HSD17B14: variants seen among roughly 807,000 people sequenced by gnomAD.
The protein encoded by HSD17B14 is hydroxysteroid 17-beta dehydrogenase 14, also known as L-fucose dehydrogenase.
A neutral mutation model predicts 32.2 loss-of-function variants in HSD17B14; 32 were observed. The observed-to-expected ratio is 0.99, with a 90% CI of 0.75 to 1.33. HSD17B14 has a LOEUF of 1.33. HSD17B14 is among the 40% of genes most tolerant of loss of function. The pLI is 0.00. For missense variants in HSD17B14, 370 were observed against 366.5 expected, an observed-to-expected ratio of 1.01 and a Z score of -0.08; for synonymous variants, 140 against 155.4, an observed-to-expected ratio of 0.90 and a Z score of 0.74.
chr19:48,824,276 AAAT>A (rs1049364604), intron 5 of HSD17B14, among the ~76,000 whole-genome samples: 3 of 53,448 alleles, frequency 5.6e-5, no homozygotes, highest in African/African-American at 1.0e-4. Flanking sequence ...AAAAAAAAAA[AAAT>A]TAGTCGGGTG....
intron 5 of HSD17B14, among the ~76,000 whole-genome samples, chr19:48,822,225 A>C (rs2035166616): frequency 7.9e-6 from 1 of 127,118 alleles, no homozygotes; most frequent in South Asian, 2.7e-4. Flanking sequence ...TGGGGATGGT[A>C]ATGATGGTGG....
At chr19:48,827,385 G>C (rs553941359) in intron 5 of HSD17B14, among the ~76,000 whole-genome samples, 1 of 151,982 alleles carries the variant, frequency 6.6e-6, no homozygotes, top group Non-Finnish European at 1.5e-5. Context: ...AGCTGTATGC[G>C]CAGGGCTCCG....
chr19:48,816,232 C>G (rs895037463), intron 5 of HSD17B14, among the ~76,000 whole-genome samples: 11 of 152,044 alleles, frequency 7.2e-5, no homozygotes, highest in Admixed American at 1.3e-4. Context: ...AGGCCTGTCC[C>G]TGCCACTTAA....
chr19:48,814,569 C>T (rs1021149066), intron 6 of HSD17B14, among the ~76,000 whole-genome samples: 1 of 151,636 alleles, frequency 6.6e-6, no homozygotes, highest in Non-Finnish European at 1.5e-5. Context: ...CTGCTGGGTG[C>T]GGTGGCTCAT....
chr19:48,813,568 G>A lies in HSD17B14; in HGVS notation c.543-16C>T, dbSNP rs1309883790. The A allele has an allele frequency of 4.3e-6, 7 of 1,613,220 alleles. No homozygotes were observed. The highest frequency in any genetic ancestry group is 5.9e-6 in the Non-Finnish European group (7 of 1,179,366). ...TGGGGAGATACTAGAGGAAGGGAGA[G>A]GGGGGATCAAAGCAATCTGTCTCGA... is the stretch of plus-strand genomic sequence containing the variant. On this transcript the variant is annotated splice_polypyrimidine_tract_variant and intron_variant, in intron 7 of 8. Transcript: ENST00000263278.
intron 5 of HSD17B14, among the ~76,000 whole-genome samples, chr19:48,831,301 G>C (rs778275166): frequency 2.0e-5 from 3 of 152,176 alleles, no homozygotes; most frequent in Non-Finnish European, 2.9e-5. Context: ...ACAGAAAATA[G>C]ATGGCCAGGC....
At chr19:48,828,275 T>G (rs662102) in intron 5 of HSD17B14, among the ~76,000 whole-genome samples, 103,098 of 151,998 alleles carry the variant, frequency 0.68, 36,361 homozygotes, top group African/African-American at 0.89. Context: ...GCTATACATG[T>G]TTGAACTATA....
At chr19:48,825,971 C>T (rs892429385) in intron 5 of HSD17B14, among the ~76,000 whole-genome samples, 1 of 152,036 alleles carries the variant, frequency 6.6e-6, no homozygotes. Context: ...CAGGCACCCG[C>T]CACCGCGCAC....
chr19:48,821,742 T>C (rs1305475545), intron 5 of HSD17B14, among the ~76,000 whole-genome samples: 1 of 146,834 alleles, frequency 6.8e-6, no homozygotes, highest in Non-Finnish European at 1.5e-5. Context: ...AGGATGGTGA[T>C]GGTGAGGATG....
At chr19:48,816,074 C>T (rs1411785099) in intron 5 of HSD17B14, among the ~76,000 whole-genome samples, 1 of 151,488 alleles carries the variant, frequency 6.6e-6, no homozygotes, top group Non-Finnish European at 1.5e-5. Context: ...ACCGTTTCTC[C>T]TGCAATTCAA....
chr19:48,814,144 G>T (rs112203175), intron 6 of HSD17B14, among the ~76,000 whole-genome samples: 2,989 of 150,980 alleles, frequency 0.02, 90 homozygotes, highest in African/African-American at 0.069. Flanking sequence ...GCAGTGAGCT[G>T]AGATCATGCC....
chr19:48,816,121 C>G (rs547137671), intron 5 of HSD17B14, among the ~76,000 whole-genome samples: 31 of 151,902 alleles, frequency 2.0e-4, no homozygotes, highest in Non-Finnish European at 3.7e-4. Context: ...AATACTCTCT[C>G]TGTGTGTGTG....
At position 48,835,912 on chromosome 19, in the gene HSD17B14, A is replaced by G. The variant is rs2035502200; in HGVS notation, c.89-69T>C. On this transcript the variant is annotated intron_variant, in intron 1 of 8. Transcript: ENST00000263278. ...AAGCCTCTGCCGCCCTCTTGTGGCCACCTGGATTGGGGCTGATCTCCCTCT... is the reference window on the plus strand; with the variant it reads ...AAGCCTCTGCCGCCCTCTTGTGGCCGCCTGGATTGGGGCTGATCTCCCTCT... 2.7e-6 allele frequency: 4 copies of G among 1,457,328 alleles called. No individual in the cohort carries two copies. The East Asian group carries it at 6.8e-5, about 25-fold the overall frequency. 90.3% of individuals were successfully genotyped at this position (1,457,328 alleles called of 1,614,324 possible).
chr19:48,818,966 G>A (rs2035101623), intron 5 of HSD17B14, among the ~76,000 whole-genome samples: 1 of 152,094 alleles, frequency 6.6e-6, no homozygotes, highest in Non-Finnish European at 1.5e-5. Context: ...CTTCTCCCTT[G>A]GACAAATGCA....
chr19:48,824,446 AAGGG>A (rs145997541), intron 5 of HSD17B14, among the ~76,000 whole-genome samples: 45,907 of 148,854 alleles, frequency 0.31, 7,166 homozygotes, highest in East Asian at 0.37. Flanking sequence ...GGAAAGAAAA[AAGGG>A]AGGGAGGGAG....
At chr19:48,821,013 ATTT>A (rs550582834) in intron 5 of HSD17B14, among the ~76,000 whole-genome samples, 86 of 123,806 alleles carry the variant, frequency 6.9e-4, no homozygotes, top group Admixed American at 1.2e-3. Flanking sequence ...GGATGGATAG[ATTT>A]TTTTTTTTTT....
intron 5 of HSD17B14, among the ~76,000 whole-genome samples, chr19:48,820,557 T>C (rs1034769680): frequency 1.4e-5 from 2 of 143,118 alleles, no homozygotes; most frequent in Non-Finnish European, 3.0e-5. Context: ...TGAGATGGAG[T>C]CTCGCTCTGT....
Position 48,813,497 on chromosome 19 carries a change from G to T in HSD17B14, c.598C>A (p.Pro200Thr). The change falls in exon 8 of 9, where the codon CCA becomes ACA. Residue 200 changes from proline (P) to threonine (T), a missense_variant. Pro to Thr is a conservative substitution (Grantham distance 38, BLOSUM62 -1). Coordinates refer to ENST00000263278, the MANE Select transcript of HSD17B14 (RefSeq NM_016246.3). Reference sequence around the variant, plus strand: ...TCTCGGATTGTGGCCCTAGGGTCTGGCATTAAGGCTGCCAGCTCCTCCCAC... The same window carrying T: ...TCTCGGATTGTGGCCCTAGGGTCTGTCATTAAGGCTGCCAGCTCCTCCCAC... ...PLWEELAALMPDPRATIREGM... is the reference protein window; with the variant it reads ...PLWEELAALMTDPRATIREGM... 2 of 1,613,952 alleles carry T rather than the reference G, an allele frequency of 1.2e-6. No homozygotes were observed. Among genetic ancestry groups the T allele is most frequent in the Non-Finnish European group, 1.7e-6 (2 of 1,179,936 alleles).
At chr19:48,835,326 A>G (rs1288036282) in intron 2 of HSD17B14, among the ~76,000 whole-genome samples, 1 of 96,784 alleles carries the variant, frequency 1.0e-5, no homozygotes, top group Non-Finnish European at 1.9e-5. Flanking sequence ...GGTCTGAGGG[A>G]GGAGGGGCTG....
Sources: allele counts gnomAD v4.1 joint callset (sites outside exome capture counted in the v4.1 genomes callset), GRCh38; gene constraint gnomAD v4.1.1; transcripts MANE v1.5; gene names NCBI Gene and HGNC (gene_info 2026-07-23, HGNC 2026-07-21).